Variants in FAM53B observed in about 807,000 individuals in gnomAD.
FAM53B encodes the protein family with sequence similarity 53 member B, also known as protein FAM53B.
Under a neutral mutation model 32.7 loss-of-function variants are expected in FAM53B, and 12 were observed. The observed-to-expected ratio is 0.37, with a 90% CI of 0.24 to 0.59. The LOEUF is 0.59. Ranked by LOEUF, FAM53B falls within the 20% of genes least tolerant of loss-of-function variation. The pLI is 0.72. For synonymous variants in FAM53B, 234 were observed against 228.7 expected (o/e 1.02, Z -0.21); for missense variants, 477 against 577.7 (o/e 0.83, Z 1.79).
chr10:124,623,190 G>C lies in FAM53B; in HGVS notation c.*52C>G, dbSNP rs1190727317. 1 of 1,524,670 alleles carries C rather than the reference G, an allele frequency of 6.6e-7. No individual in the cohort carries two copies. The highest frequency in any genetic ancestry group is 8.8e-7 in the Non-Finnish European group (1 of 1,135,518). The allele number at this position is 1,524,670 out of a possible 1,614,324, so 94.4% of individuals were successfully genotyped here. The stretch of plus-strand genomic sequence containing the variant: ...TTCAAGGGCCCACCTAGTGCCCAGA[G>C]TGGGGGCTGTCGATGCCAGCACACC... On this transcript the variant is annotated 3_prime_UTR_variant, in exon 5 of 5. Coordinates refer to ENST00000337318, the MANE Select transcript of FAM53B (RefSeq NM_014661.4).
At position 124,651,531 on chromosome 10, in the gene FAM53B, T is replaced by G. The variant is rs1321230074; in HGVS notation, c.907-27927A>C. ...CAGGGAGCCCAGCCGCTGGACGGAA[T>G]CACAATCCCACACACGGCACCAGGG... is the stretch of plus-strand genomic sequence containing the variant. On this transcript the variant is annotated intron_variant, in intron 4 of 4. Transcript: ENST00000337318. This position sits in a 1 kb window ranked among gnomAD's most constrained non-coding sequence, Gnocchi z 5.2. 6.6e-6 allele frequency among the ~76,000 whole-genome samples: 1 copy of G among 152,068 alleles called. No individual in the cohort carries two copies.
chr10:124,637,892 CCT>C, intron 4 of FAM53B, among the ~76,000 whole-genome samples: 1 of 152,224 alleles, frequency 6.6e-6, no homozygotes, highest in Non-Finnish European at 1.5e-5. Context: ...CTCCATGGAG[CCT>C]CTCTGTGCAG....
chr10:124,625,523 C>T (rs1949341537), intron 4 of FAM53B, among the ~76,000 whole-genome samples: 1 of 152,198 alleles, frequency 6.6e-6, no homozygotes, highest in South Asian at 2.1e-4. Flanking sequence ...TGCACAACAG[C>T]CCCAGGTTCC....
chr10:124,686,367 G>T (rs1047405741), intron 3 of FAM53B, among the ~76,000 whole-genome samples: 2 of 152,176 alleles, frequency 1.3e-5, no homozygotes, highest in Non-Finnish European at 2.9e-5. Flanking sequence ...TTTCTTTGTC[G>T]TAGGGAAGAT....
chr10:124,724,431 C>T (rs1355742884), intron 1 of FAM53B, among the ~76,000 whole-genome samples: 1 of 152,198 alleles, frequency 6.6e-6, no homozygotes, highest in Admixed American at 6.5e-5. Context: ...GCGCACCGGA[C>T]AGCCACAAGC....
chr10:124,644,903 T>C (rs1009694269), intron 4 of FAM53B, among the ~76,000 whole-genome samples: 5 of 152,170 alleles, frequency 3.3e-5, no homozygotes, highest in African/African-American at 1.2e-4. Flanking sequence ...CATCTGTCCC[T>C]AAGTAGGTGA....
At chr10:124,703,657 AGG>A (rs1949930805) in intron 2 of FAM53B, 2 of 152,816 alleles carry the variant, frequency 1.3e-5, no homozygotes, top group Non-Finnish European at 1.5e-5. Flanking sequence ...TCTGGAGCCA[AGG>A]GGAGAGAAGA....
At chr10:124,710,813 T>C (rs572870842) in intron 1 of FAM53B, among the ~76,000 whole-genome samples, 25 of 152,316 alleles carry the variant, frequency 1.6e-4, no homozygotes, top group African/African-American at 5.8e-4. Flanking sequence ...TACAGCCATA[T>C]ACAGCAACTC....
At chr10:124,657,003 C>T (rs915218357) in intron 4 of FAM53B, among the ~76,000 whole-genome samples, 3 of 150,308 alleles carry the variant, frequency 2.0e-5, no homozygotes, top group African/African-American at 7.3e-5. Context: ...CAAACCTGCA[C>T]GTTGTGCACA....
In FAM53B at chr10:124,733,392, GAGT is replaced by G. The variant is rs1166774783; in HGVS notation, c.-175+10618_-175+10620del. 2.0e-5 allele frequency among the ~76,000 whole-genome samples: 3 copies of G among 152,198 alleles called. No individual in the cohort carries two copies. The highest frequency in any genetic ancestry group is 4.4e-5 in the Non-Finnish European group (3 of 68,040). On this transcript the variant is annotated intron_variant, in intron 1 of 4. Coordinates refer to ENST00000337318, the MANE Select transcript of FAM53B (RefSeq NM_014661.4). The surrounding 1 kb of genome is among the most constrained non-coding windows in gnomAD (Gnocchi z 4.3). ...CAGGTGACTCAGGCCCGCCATTCTC[GAGT>G]GTCTGTGTCAGCAGCTTCCCCCTGC...
intron 1 of FAM53B, among the ~76,000 whole-genome samples, chr10:124,731,996 C>T (rs1251853859): frequency 1.3e-5 from 2 of 152,310 alleles, no homozygotes; most frequent in Admixed American, 1.3e-4. Flanking sequence ...CCTATCTCCT[C>T]CTCCATGTCT....
chr10:124,654,772 T>TC (rs1949577032), intron 4 of FAM53B, among the ~76,000 whole-genome samples: 1 of 151,818 alleles, frequency 6.6e-6, no homozygotes, highest in Admixed American at 6.6e-5. Flanking sequence ...GACCTTCTGC[T>TC]CCCCCAGCTC....
chr10:124,725,720 T>C (rs200512060), intron 1 of FAM53B, among the ~76,000 whole-genome samples: 3 of 152,104 alleles, frequency 2.0e-5, no homozygotes, highest in East Asian at 1.9e-4. Flanking sequence ...GTGTTAGTGA[T>C]AGAATTACCT....
chr10:124,630,064 T>A (rs1949380658), intron 4 of FAM53B, among the ~76,000 whole-genome samples: 1 of 152,220 alleles, frequency 6.6e-6, no homozygotes, highest in Non-Finnish European at 1.5e-5. Context: ...AGCCACCTCC[T>A]GTGTAGGCCA....
chr10:124,668,689 A>G (rs534134648), intron 4 of FAM53B, among the ~76,000 whole-genome samples: 2 of 152,362 alleles, frequency 1.3e-5, no homozygotes, highest in African/African-American at 2.4e-5. Flanking sequence ...GAGGCAGCTG[A>G]TAAGTGGGGC....
chr10:124,697,996 C>A (rs980330564), intron 2 of FAM53B, among the ~76,000 whole-genome samples: 2 of 152,232 alleles, frequency 1.3e-5, no homozygotes, highest in Non-Finnish European at 1.5e-5. Flanking sequence ...AAGTGGATGA[C>A]AAGCGCATGA....
chr10:124,731,897 T>C (rs1036752862), intron 1 of FAM53B, among the ~76,000 whole-genome samples: 3 of 152,140 alleles, frequency 2.0e-5, no homozygotes, highest in Non-Finnish European at 4.4e-5. Flanking sequence ...CTGACGCAGC[T>C]CAAACATGAA....
intron 4 of FAM53B, among the ~76,000 whole-genome samples, chr10:124,625,871 G>A (rs1031317574): frequency 7.9e-5 from 12 of 152,232 alleles, no homozygotes; most frequent in South Asian, 4.1e-4. Context: ...GCCAGGATGC[G>A]TCAGGGCCTG....
At chr10:124,690,214 T>C (rs1286179381) in intron 3 of FAM53B, among the ~76,000 whole-genome samples, 1 of 152,220 alleles carries the variant, frequency 6.6e-6, no homozygotes, top group Non-Finnish European at 1.5e-5. Context: ...AACACTCCAA[T>C]AGGGTCCTTG....
Sources: gnomAD v4.1 joint callset for allele counts (sites outside exome capture counted in the v4.1 genomes callset) on GRCh38, gnomAD v4.1.1 for gene constraint, Gnocchi (gnomAD v3.1) non-coding constraint, MANE v1.5 for transcripts, NCBI Gene and HGNC (gene_info 2026-07-23, HGNC 2026-07-21) for gene names.